The following CNTNAP2 variants were observed in gnomAD, a reference collection of about 807,000 sequenced individuals.
The protein encoded by CNTNAP2 is contactin-associated protein-like 2.
CNTNAP2 carries 98 observed loss-of-function variants against 155.2 expected under a neutral mutation model. The ratio of observed to expected loss-of-function variants is 0.63; its 90% CI spans 0.54 to 0.75. The LOEUF is 0.75. Among genes scored for constraint, CNTNAP2 ranks in the 30% least tolerant of loss-of-function variants. CNTNAP2 has a pLI of 0.00. For synonymous variants in CNTNAP2, 651 were observed against 631.2 expected (o/e 1.03, Z -0.47); for missense variants, 1,727 against 1,688.1 (o/e 1.02, Z -0.40).
chr7:147,233,221 G>C (rs914708474), intron 8 of CNTNAP2, among the ~76,000 whole-genome samples: 3 of 152,122 alleles, frequency 2.0e-5, no homozygotes, highest in Admixed American at 1.3e-4. Context: ...GACTGTTTTA[G>C]CAGGGTTAAC....
intron 9 of CNTNAP2, among the ~76,000 whole-genome samples, chr7:147,359,504 C>T (rs1796113641): frequency 6.6e-6 from 1 of 151,986 alleles, no homozygotes; most frequent in Non-Finnish European, 1.5e-5. Context: ...TTCAATGCTC[C>T]CCATTTTACT....
intron 10 of CNTNAP2, among the ~76,000 whole-genome samples, chr7:147,458,511 A>G (rs1342057900): frequency 6.6e-6 from 1 of 152,156 alleles, no homozygotes; most frequent in Non-Finnish European, 1.5e-5. Context: ...CACTTAAGAA[A>G]GTTCTACTAC....
At chr7:146,288,122 A>T (rs7806448) in intron 1 of CNTNAP2, among the ~76,000 whole-genome samples, 3,400 of 151,554 alleles carry the variant, frequency 0.022, 140 homozygotes, top group African/African-American at 0.078. Context: ...CAACATAGGG[A>T]CCCCGTCTCT....
chr7:147,593,650 G>A (rs1444305032), intron 12 of CNTNAP2, among the ~76,000 whole-genome samples: 4 of 152,042 alleles, frequency 2.6e-5, no homozygotes, highest in East Asian at 3.9e-4. Context: ...ACTGTACTTG[G>A]GATCATAGTT....
At chr7:146,746,473 T>A (rs1156604756) in intron 1 of CNTNAP2, among the ~76,000 whole-genome samples, 4 of 152,152 alleles carry the variant, frequency 2.6e-5, no homozygotes, top group Admixed American at 6.5e-5. Context: ...GTAATATTGT[T>A]TGTGACTAAG....
chr7:146,836,672 T>C (rs1803623592), intron 2 of CNTNAP2, among the ~76,000 whole-genome samples: 1 of 152,148 alleles, frequency 6.6e-6, no homozygotes, highest in South Asian at 2.1e-4. Context: ...TTTAAAAACA[T>C]GAACAAATAT....
chr7:146,391,070 AT>A (rs1795536486), intron 1 of CNTNAP2, among the ~76,000 whole-genome samples: 1 of 147,978 alleles, frequency 6.8e-6, no homozygotes, highest in South Asian at 2.1e-4. Flanking sequence ...TGTCTAAAAA[AT>A]ATATATATTA....
intron 20 of CNTNAP2, among the ~76,000 whole-genome samples, chr7:148,262,834 C>T (rs1163586297): frequency 7.2e-5 from 11 of 152,150 alleles, no homozygotes; most frequent in Admixed American, 6.5e-4. Flanking sequence ...AGAATGGTCT[C>T]GTGTCACATG....
chr7:147,397,383 G>GA (rs1020153588), intron 10 of CNTNAP2, among the ~76,000 whole-genome samples: 18 of 151,812 alleles, frequency 1.2e-4, no homozygotes, highest in African/African-American at 3.4e-4. Flanking sequence ...GTTTTGTACA[G>GA]AAAAAAATAT....
intron 1 of CNTNAP2, among the ~76,000 whole-genome samples, chr7:146,414,773 A>G (rs1795913480): frequency 6.6e-6 from 1 of 152,174 alleles, no homozygotes; most frequent in African/African-American, 2.4e-5. Context: ...TGTTTTCCAC[A>G]ACAAAAACTA....
At chr7:147,918,686 A>G (rs1031849992) in intron 14 of CNTNAP2, among the ~76,000 whole-genome samples, 1 of 152,150 alleles carries the variant, frequency 6.6e-6, no homozygotes. Context: ...CTAGAGGAGG[A>G]AAAAAACAAA....
intron 4 of CNTNAP2, among the ~76,000 whole-genome samples, chr7:147,076,292 G>T (rs896087658): frequency 4.6e-5 from 7 of 152,164 alleles, no homozygotes; most frequent in South Asian, 2.1e-4. Flanking sequence ...CTCCAGCACC[G>T]GTTGTTTCCT....
chr7:146,667,615 C>T (rs6972322), intron 1 of CNTNAP2, among the ~76,000 whole-genome samples: 104,682 of 151,790 alleles, frequency 0.69, 37,234 homozygotes, highest in South Asian at 0.86. Flanking sequence ...TATGATGTAT[C>T]TTTCTGTTCA....
At chr7:146,395,949 G>A (rs1006023295) in intron 1 of CNTNAP2, among the ~76,000 whole-genome samples, 2 of 123,434 alleles carry the variant, frequency 1.6e-5, no homozygotes, top group African/African-American at 8.5e-5. Context: ...ATTTTAAGTT[G>A]CATCATTCTG....
At position 148,296,545 on chromosome 7, in the gene CNTNAP2, CAA is replaced by C. The variant is rs143609414; in HGVS notation, c.3475+29441_3475+29442del. ...TGGGAAACAGAGCAAGACTCTGTCT[CAA>C]AAAAAAAAAAAAAAAAAAAAATTAT... On this transcript the variant is annotated intron_variant, in intron 21 of 23. Transcript: ENST00000361727. Among the ~76,000 whole-genome samples the C allele has an allele frequency of 1.2e-3, 94 of 76,606 alleles. 1 individual carries two copies. Among genetic ancestry groups the C allele is most frequent in the Middle Eastern group, 9.8e-3 (1 of 102 alleles). 50.3% of individuals were successfully genotyped at this position (76,606 alleles called of 152,430 possible). A position where few individuals can be genotyped will look rare whatever the true frequency, so the allele number is the denominator to read the frequency against.
At chr7:147,272,606 C>T (rs1004814135) in intron 8 of CNTNAP2, among the ~76,000 whole-genome samples, 4 of 152,078 alleles carry the variant, frequency 2.6e-5, no homozygotes, top group Admixed American at 1.3e-4. Context: ...TCACGCCATT[C>T]TCCTGCCTCA....
intron 1 of CNTNAP2, among the ~76,000 whole-genome samples, chr7:146,131,267 T>A (rs1797709419): frequency 6.6e-6 from 1 of 152,208 alleles, no homozygotes; most frequent in East Asian, 1.9e-4. Flanking sequence ...TTCAATTATT[T>A]GGATTGTTAA....
intron 13 of CNTNAP2, among the ~76,000 whole-genome samples, chr7:147,851,533 C>G (rs1350417823): frequency 6.6e-6 from 1 of 152,112 alleles, no homozygotes; most frequent in Non-Finnish European, 1.5e-5. Flanking sequence ...AAATATCCAT[C>G]AATGATAGAC....
At position 148,157,906 on chromosome 7, in the gene CNTNAP2, C is replaced by CA. The variant is rs1189142353; in HGVS notation, c.2773+10200dup. On this transcript the variant is annotated intron_variant, in intron 17 of 23. Coordinates refer to ENST00000361727, the MANE Select transcript of CNTNAP2 (RefSeq NM_014141.6). ...ATCGACCATATGCAAAGCAAAAATGCAAATAAAATATAGAAGCTCCTCCAA... is the reference window on the plus strand; with the variant it reads ...ATCGACCATATGCAAAGCAAAAATGCAAAATAAAATATAGAAGCTCCTCCAA... Among the ~76,000 whole-genome samples, 10 of 152,246 alleles carry CA rather than the reference C, an allele frequency of 6.6e-5. 1 individual carries two copies. Among genetic ancestry groups the CA allele is most frequent in the African/African-American group, 2.4e-4 (10 of 41,550 alleles).
Sources: allele counts gnomAD v4.1 joint callset (sites outside exome capture counted in the v4.1 genomes callset), GRCh38; gene constraint gnomAD v4.1.1; transcripts MANE v1.5; gene names NCBI Gene and HGNC (gene_info 2026-07-23, HGNC 2026-07-21).